Variants in PDSS2 observed in about 807,000 individuals in gnomAD.
PDSS2 encodes the protein decaprenyl diphosphate synthase subunit 2, also known as all trans-polyprenyl-diphosphate synthase PDSS2.
PDSS2 carries 31 observed loss-of-function variants against 44.5 expected under a neutral mutation model. That is an observed-to-expected ratio of 0.70 (90% CI 0.52 to 0.94). The LOEUF (loss-of-function observed/expected upper bound fraction) is 0.94. PDSS2 is among the 40% of genes least tolerant of loss of function. The probability of loss-of-function intolerance (pLI) is 0.00; values close to 1 mark genes in which losing one functional copy is unlikely to be tolerated. For missense variants in PDSS2, 452 were observed against 482.2 expected, an observed-to-expected ratio of 0.94 and a Z score of 0.59; for synonymous variants, 157 against 180.3, an observed-to-expected ratio of 0.87 and a Z score of 1.03.
At chr6:107,394,118 T>G (rs1213158243) in intron 1 of PDSS2, among the ~76,000 whole-genome samples, 3 of 152,196 alleles carry the variant, frequency 2.0e-5, no homozygotes, top group Admixed American at 2.0e-4. Context: ...GTTCTCTCTT[T>G]TTTCCTCGTT....
intron 5 of PDSS2, among the ~76,000 whole-genome samples, chr6:107,210,865 T>G (rs1040057266): frequency 1.0e-4 from 14 of 137,240 alleles, no homozygotes; most frequent in South Asian, 2.3e-4. Flanking sequence ...TTGGGGGGGG[T>G]TTGCACACAC....
At chr6:107,425,452 T>C (rs1227477789) in intron 1 of PDSS2, among the ~76,000 whole-genome samples, 23 of 152,162 alleles carry the variant, frequency 1.5e-4, no homozygotes. Context: ...GATGAGGAAC[T>C]TGTTGGGAAC....
intron 7 of PDSS2, among the ~76,000 whole-genome samples, chr6:107,174,838 T>A (rs1257896958): frequency 2.6e-5 from 4 of 152,108 alleles, no homozygotes; most frequent in African/African-American, 9.7e-5. Context: ...TTTCCCAATA[T>A]TAGAAAAGCA....
intron 3 of PDSS2, chr6:107,264,084 T>C: frequency 4.6e-6 from 1 of 216,358 alleles, no homozygotes; most frequent in Non-Finnish European, 8.3e-6. Context: ...TAATGCCTAT[T>C]TTAAATGCAT....
chr6:107,398,360 CT>C (rs1780010291), intron 1 of PDSS2, among the ~76,000 whole-genome samples: 1 of 152,018 alleles, frequency 6.6e-6, no homozygotes, highest in Non-Finnish European at 1.5e-5. Flanking sequence ...AAGTGTAATC[CT>C]TTTTCCAAAA....
At chr6:107,401,460 C>T (rs1345334847) in intron 1 of PDSS2, among the ~76,000 whole-genome samples, 1 of 151,950 alleles carries the variant, frequency 6.6e-6, no homozygotes, top group African/African-American at 2.4e-5. Flanking sequence ...TAAAAAGAAG[C>T]GACTGTTACC....
chr6:107,352,044 T>C (rs528406901), intron 1 of PDSS2, among the ~76,000 whole-genome samples: 1 of 152,312 alleles, frequency 6.6e-6, no homozygotes. Context: ...TATCACAGTT[T>C]TAAAATGTTG....
chr6:107,438,063 G>A lies in PDSS2; in HGVS notation c.296+20927C>T, dbSNP rs75345844. ...AGTAGTTAACTGACAGAAACGAAGT[G>A]GGCATGGTGATCCTAACAGGCAGCA... is the stretch of plus-strand genomic sequence containing the variant. On this transcript the variant is annotated intron_variant, in intron 1 of 7. Coordinates refer to ENST00000369037, the MANE Select transcript of PDSS2 (RefSeq NM_020381.4). Among the ~76,000 whole-genome samples the A allele has an allele frequency of 2.5e-3, 385 of 152,236 alleles. 2 individuals are homozygous for A. Among genetic ancestry groups the A allele is most frequent in the African/African-American group, 9.1e-3 (377 of 41,522 alleles).
At chr6:107,294,996 C>T (rs909144528) in intron 2 of PDSS2, among the ~76,000 whole-genome samples, 3 of 152,066 alleles carry the variant, frequency 2.0e-5, no homozygotes, top group Admixed American at 2.0e-4. Context: ...GTGGCGTGAT[C>T]TTGGCTCACT....
At chr6:107,168,883 G>A (rs1481387019) in intron 7 of PDSS2, among the ~76,000 whole-genome samples, 5 of 152,200 alleles carry the variant, frequency 3.3e-5, no homozygotes, top group African/African-American at 7.2e-5. Context: ...TGGGTAACCC[G>A]ACCTTTCTCT....
chr6:107,222,874 C>G (rs371047708), intron 4 of PDSS2, among the ~76,000 whole-genome samples: 1 of 151,666 alleles, frequency 6.6e-6, no homozygotes, highest in Non-Finnish European at 1.5e-5. Flanking sequence ...GGGAGGCCAA[C>G]ATGTGAGGAC....
At chr6:107,243,075 A>G (rs551252604) in intron 4 of PDSS2, among the ~76,000 whole-genome samples, 64 of 152,324 alleles carry the variant, frequency 4.2e-4, no homozygotes, top group African/African-American at 1.5e-3. Context: ...ACAGCCCTTC[A>G]AAGACTTTGT....
At chr6:107,380,970 G>C (rs1466956992) in intron 1 of PDSS2, among the ~76,000 whole-genome samples, 1 of 152,154 alleles carries the variant, frequency 6.6e-6, no homozygotes, top group African/African-American at 2.4e-5. Context: ...GAATGTGCTA[G>C]AAGTAAAAGG....
chr6:107,363,057 A>G (rs2114301760), intron 1 of PDSS2, among the ~76,000 whole-genome samples: 1 of 152,332 alleles, frequency 6.6e-6, no homozygotes, highest in Non-Finnish European at 1.5e-5. Flanking sequence ...CATACTAATA[A>G]AGGTGTCATT....
At chr6:107,370,378 C>T (rs1779094735) in intron 1 of PDSS2, among the ~76,000 whole-genome samples, 1 of 152,066 alleles carries the variant, frequency 6.6e-6, no homozygotes, top group African/African-American at 2.4e-5. Context: ...AAAAGTGATC[C>T]CAATTTGAAG....
Position 107,201,390 on chromosome 6 carries a change from C to CAAAAAAAAAAAAAAAAAAAAAAAAAA in PDSS2, c.1009-7537_1009-7536insTTTTTTTTTTTTTTTTTTTTTTTTTT, listed in dbSNP as rs747612959. On this transcript the variant is annotated intron_variant, in intron 6 of 7. Coordinates refer to ENST00000369037, the MANE Select transcript of PDSS2 (RefSeq NM_020381.4). ...TGTAAAACAATATTCCATACAAAAGCAAAAAAAAAAAAAAAAAAAAAAAAG... is the reference window on the plus strand; with the variant it reads ...TGTAAAACAATATTCCATACAAAAGCAAAAAAAAAAAAAAAAAAAAAAAAAAAAAAAAAAAAAAAAAAAAAAAAAAG... 5.8e-5 allele frequency among the ~76,000 whole-genome samples: 3 copies of CAAAAAAAAAAAAAAAAAAAAAAAAAA among 52,148 alleles called. 1 individual carries two copies. The highest frequency in any genetic ancestry group is 2.0e-4 in the African/African-American group (2 of 10,250). 34.2% of individuals were successfully genotyped at this position (52,148 alleles called of 152,430 possible). A position where few individuals can be genotyped will look rare whatever the true frequency, so the allele number is the denominator to read the frequency against.
At chr6:107,400,342 T>A (rs1780069114) in intron 1 of PDSS2, among the ~76,000 whole-genome samples, 1 of 152,136 alleles carries the variant, frequency 6.6e-6, no homozygotes, top group South Asian at 2.1e-4. Context: ...GCATTTGTGA[T>A]CTAGTCTCAA....
chr6:107,183,178 C>T (rs1248084312), intron 7 of PDSS2, among the ~76,000 whole-genome samples: 2 of 149,038 alleles, frequency 1.3e-5, no homozygotes, highest in South Asian at 2.1e-4. Flanking sequence ...TGCCACTGCA[C>T]TCCAGCCTGG....
intron 3 of PDSS2, among the ~76,000 whole-genome samples, chr6:107,257,503 C>T (rs1167897231): frequency 1.3e-5 from 2 of 152,258 alleles, no homozygotes; most frequent in African/African-American, 4.8e-5. Flanking sequence ...CCCCACTGCA[C>T]TCCAGCCTGG....
Sources: gnomAD v4.1 joint callset for allele counts (sites outside exome capture counted in the v4.1 genomes callset) on GRCh38, gnomAD v4.1.1 for gene constraint, MANE v1.5 for transcripts, NCBI Gene and HGNC (gene_info 2026-07-23, HGNC 2026-07-21) for gene names.